Variants in SMC6 observed in about 807,000 individuals in gnomAD.
SMC6 encodes the protein structural maintenance of chromosomes 6, also known as structural maintenance of chromosomes protein 6.
SMC6 carries 79 observed loss-of-function variants against 142.2 expected under a neutral mutation model. The ratio of observed to expected loss-of-function variants is 0.56; its 90% CI spans 0.46 to 0.67. The LOEUF (loss-of-function observed/expected upper bound fraction) is 0.67, where lower values mean the gene tolerates loss of function less well. Ranked by LOEUF, SMC6 falls within the 30% of genes least tolerant of loss-of-function variation. SMC6 has a pLI of 0.00. For missense variants in SMC6, 1,072 were observed against 1,284.0 expected (o/e 0.83, Z 2.52); for synonymous variants, 411 against 412.4 (o/e 1.00, Z 0.04).
chr2:17,668,986 C>A (rs370662227), intron 26 of SMC6, among the ~76,000 whole-genome samples: 2 of 152,126 alleles, frequency 1.3e-5, no homozygotes, highest in African/African-American at 2.4e-5. Context: ...GAGCCACATG[C>A]AAGCCTGGGA....
intron 21 of SMC6, among the ~76,000 whole-genome samples, chr2:17,696,820 T>G (rs559563256): frequency 6.6e-6 from 1 of 152,274 alleles, no homozygotes; most frequent in Non-Finnish European, 1.5e-5. Context: ...CGCTGATTTA[T>G]TTAGTCACAT....
Position 17,665,511 on chromosome 2 carries a change from A to T in SMC6, c.3264T>A (p.Asp1088Glu). ...GTTAAGTTACAAATCACCTTTGGTCATCATCTTCTTCTTGAGTCACAGGTC... is the reference window on the plus strand; with the variant it reads ...GTTAAGTTACAAATCACCTTTGGTCTTCATCTTCTTCTTGAGTCACAGGTC... ...PFRPVTQEED[D>E]DQR Residue 1088 changes from aspartate to glutamate, a missense_variant, in exon 28 of 28, where the codon GAT becomes GAA. Physicochemically the swap from Asp to Glu is conservative, Grantham distance 45. This residue lies in a region of SMC6 where 76 missense variants were observed against 112.3 expected (regional missense o/e 0.68). Coordinates refer to ENST00000448223, the MANE Select transcript of SMC6 (RefSeq NM_001142286.2). 6.2e-7 allele frequency: 1 copy of T among 1,608,320 alleles called. No individual in the cohort carries two copies.
At chr2:17,669,677 A>C (rs1666664411) in intron 26 of SMC6, among the ~76,000 whole-genome samples, 1 of 152,194 alleles carries the variant, frequency 6.6e-6, no homozygotes, top group Non-Finnish European at 1.5e-5. Flanking sequence ...CTCATTTATA[A>C]CCTTTGCTAA....
At chr2:17,749,355 C>T (rs1670905668) in intron 2 of SMC6, among the ~76,000 whole-genome samples, 1 of 151,904 alleles carries the variant, frequency 6.6e-6, no homozygotes, top group Admixed American at 6.6e-5. Context: ...AGGATACAAG[C>T]AGGAACAATG....
intron 25 of SMC6, among the ~76,000 whole-genome samples, chr2:17,674,722 T>C (rs1666925123): frequency 6.6e-6 from 1 of 152,160 alleles, no homozygotes; most frequent in South Asian, 2.1e-4. Context: ...TTATTAGGTA[T>C]ATACAAATTA....
intron 16 of SMC6, among the ~76,000 whole-genome samples, chr2:17,712,828 G>A (rs1162826882): frequency 6.6e-6 from 1 of 152,208 alleles, no homozygotes; most frequent in Non-Finnish European, 1.5e-5. Flanking sequence ...TTAACAGAAT[G>A]TTAGACATAC....
intron 21 of SMC6, among the ~76,000 whole-genome samples, chr2:17,698,373 A>G (rs1164816603): frequency 2.6e-5 from 4 of 152,060 alleles, no homozygotes; most frequent in Non-Finnish European, 5.9e-5. Flanking sequence ...AGGAAGTTCT[A>G]TAAGATTTTG....
intron 5 of SMC6, 125 bp downstream of exon 5, chr2:17,738,096 G>T: frequency 1.6e-6 from 1 of 636,028 alleles, no homozygotes; most frequent in Non-Finnish European, 2.7e-6. Context: ...TGAAAAAATA[G>T]GACACCTCTG....
chr2:17,737,640 G>A (rs142555074), intron 5 of SMC6, among the ~76,000 whole-genome samples: 305 of 152,302 alleles, frequency 2.0e-3, no homozygotes, highest in African/African-American at 7.0e-3. Flanking sequence ...GCCAAAGAGA[G>A]TAGTGATATG....
chr2:17,685,410 T>C (rs1667408475), intron 23 of SMC6, among the ~76,000 whole-genome samples: 1 of 152,124 alleles, frequency 6.6e-6, no homozygotes, highest in African/African-American at 2.4e-5. Flanking sequence ...AAGTATGAGC[T>C]AAGGATTTTA....
chr2:17,748,927 C>T (rs749836252), intron 2 of SMC6, among the ~76,000 whole-genome samples: 3 of 152,192 alleles, frequency 2.0e-5, no homozygotes, highest in African/African-American at 7.2e-5. Flanking sequence ...CCAAACACTA[C>T]GTGATGACGA....
At chr2:17,684,350 G>A (rs546221288) in intron 23 of SMC6, among the ~76,000 whole-genome samples, 2 of 151,936 alleles carry the variant, frequency 1.3e-5, no homozygotes, top group Non-Finnish European at 1.5e-5. Context: ...CAAATAACTG[G>A]CCCAGGAAAA....
chr2:17,671,766 A>C (rs1246661977), intron 25 of SMC6, among the ~76,000 whole-genome samples: 1 of 152,006 alleles, frequency 6.6e-6, no homozygotes, highest in East Asian at 1.9e-4. Flanking sequence ...GGAAACAATA[A>C]GAAAGCAACT....
In SMC6 at chr2:17,710,712, T is replaced by C. The variant is rs79449258; in HGVS notation, c.1731-1959A>G. Among the ~76,000 whole-genome samples, 712 of 152,304 alleles carry C rather than the reference T, an allele frequency of 4.7e-3. 5 individuals carry two copies. The highest frequency in any genetic ancestry group is 0.016 in the African/African-American group (672 of 41,554). ...AGTAAGTAAAATTAGTGAAGAGTAA[T>C]GACTTTGAGTCAATTGAGTTAAGCG... is the stretch of plus-strand genomic sequence containing the variant. On this transcript the variant is annotated intron_variant, in intron 16 of 27. Transcript: ENST00000448223.
intron 5 of SMC6, among the ~76,000 whole-genome samples, chr2:17,734,031 GCA>G (rs1207344991): frequency 1.3e-5 from 2 of 152,150 alleles, no homozygotes; most frequent in Non-Finnish European, 2.9e-5. Flanking sequence ...AGAGCATAGT[GCA>G]CACACACAGA....
intron 23 of SMC6, among the ~76,000 whole-genome samples, chr2:17,684,135 T>C (rs1161535959): frequency 6.6e-6 from 1 of 151,596 alleles, no homozygotes. Context: ...CAGATGCCAA[T>C]AAAAGAAAAA....
At chr2:17,683,520 G>C in intron 24 of SMC6, 118 bp downstream of exon 24, 1 of 955,520 alleles carries the variant, frequency 1.0e-6, no homozygotes, top group Non-Finnish European at 1.5e-6. Context: ...AGAATCCTAA[G>C]AACTGAATAA....
intron 12 of SMC6, among the ~76,000 whole-genome samples, 177 bp downstream of exon 12, chr2:17,717,900 G>A (rs1669176079): frequency 6.6e-6 from 1 of 150,700 alleles, no homozygotes; most frequent in Non-Finnish European, 1.5e-5. Context: ...TGGGAGGATA[G>A]CGTGTGCCCA....
chr2:17,714,247 G>C (rs924278684), intron 16 of SMC6, among the ~76,000 whole-genome samples: 7 of 151,704 alleles, frequency 4.6e-5, no homozygotes, highest in Admixed American at 2.6e-4. Flanking sequence ...AGGCACACAC[G>C]ACCAAGCCTG....
Sources: allele counts gnomAD v4.1 joint callset (sites outside exome capture counted in the v4.1 genomes callset), GRCh38; gene constraint gnomAD v4.1.1; regional missense constraint gnomAD v4.1.1; transcripts MANE v1.5; gene names NCBI Gene and HGNC (gene_info 2026-07-23, HGNC 2026-07-21).